Variants in ENTREP2 observed in about 807,000 individuals in gnomAD.
ENTREP2 encodes the protein protein ENTREP2.
At chr15:29,510,896 T>C in the ENTREP2 span, among the ~76,000 whole-genome samples, 9 of 151,728 alleles carry the variant, frequency 5.9e-5, no homozygotes, top group Admixed American at 4.6e-4. Flanking sequence ...TGCAGGGACA[T>C]GGATGAAGCT....
At chr15:29,554,701 G>A in the ENTREP2 span, among the ~76,000 whole-genome samples, 3 of 152,146 alleles carry the variant, frequency 2.0e-5, no homozygotes, top group African/African-American at 7.2e-5. Flanking sequence ...TGCTCAGAGA[G>A]GCCTCTTGGA....
At chr15:29,649,742 AAAAGAAAG>A in the ENTREP2 span, among the ~76,000 whole-genome samples, 2 of 150,898 alleles carry the variant, frequency 1.3e-5, no homozygotes, top group Non-Finnish European at 2.9e-5. Context: ...AAAAAAAAAA[AAAAGAAAG>A]AAAGAAAGAA....
At chr15:29,446,912 G>A in the ENTREP2 span, among the ~76,000 whole-genome samples, 2 of 152,026 alleles carry the variant, frequency 1.3e-5, no homozygotes, top group Non-Finnish European at 2.9e-5. Context: ...CTCCTCTTCT[G>A]CCTCCCTCTT....
At chr15:29,624,871 TTGTGTGTGTGTGTGTGTG>T in the ENTREP2 span, among the ~76,000 whole-genome samples, 1 of 143,624 alleles carries the variant, frequency 7.0e-6, no homozygotes, top group African/African-American at 2.6e-5. Flanking sequence ...CTGCATTAAT[TTGTGTGTGTGTGTGTGTG>T]TGTGTGTGTG....
the ENTREP2 span, among the ~76,000 whole-genome samples, chr15:29,354,693 A>G: frequency 3.9e-5 from 6 of 152,322 alleles, no homozygotes; most frequent in Non-Finnish European, 8.8e-5. Flanking sequence ...GAAAAGGAAG[A>G]GATGAGAATA....
At chr15:29,476,861 G>C in the ENTREP2 span, among the ~76,000 whole-genome samples, 27 of 152,310 alleles carry the variant, frequency 1.8e-4, 1 homozygote, top group South Asian at 2.5e-3. Context: ...CCGATTGCCA[G>C]CCACGACAAC....
chr15:29,417,259 T>C, the ENTREP2 span, among the ~76,000 whole-genome samples: 2 of 152,120 alleles, frequency 1.3e-5, 1 homozygote, highest in South Asian at 4.1e-4. Flanking sequence ...TATCCAACAA[T>C]GATAGACTGG....
the ENTREP2 span, among the ~76,000 whole-genome samples, chr15:29,644,436 C>T: frequency 2.0e-5 from 3 of 152,120 alleles, no homozygotes; most frequent in South Asian, 2.1e-4. Flanking sequence ...TCAATAAAGC[C>T]GGTTATCGAA....
chr15:29,338,750 T>C, the ENTREP2 span, among the ~76,000 whole-genome samples: 2 of 152,228 alleles, frequency 1.3e-5, no homozygotes, highest in Admixed American at 6.5e-5. Flanking sequence ...AAACTGGTTT[T>C]CTTTTAATAA....
chr15:29,572,464 T>TC, the ENTREP2 span, among the ~76,000 whole-genome samples: 1 of 151,824 alleles, frequency 6.6e-6, no homozygotes, highest in Non-Finnish European at 1.5e-5. Context: ...TTTGATCATC[T>TC]CCCCCATTCA....
the ENTREP2 span, among the ~76,000 whole-genome samples, chr15:29,397,763 T>C: frequency 5.3e-5 from 8 of 152,088 alleles, no homozygotes; most frequent in South Asian, 4.2e-4. Flanking sequence ...CTTCTACGTA[T>C]GAAGATTTCC....
At chr15:29,160,159 C>T in the ENTREP2 span, among the ~76,000 whole-genome samples, 1 of 152,346 alleles carries the variant, frequency 6.6e-6, no homozygotes, top group East Asian at 1.9e-4. Flanking sequence ...GCAGGGCCAG[C>T]TGGCCACTCC....
At chr15:29,367,949 A>AC in the ENTREP2 span, among the ~76,000 whole-genome samples, 2 of 107,786 alleles carry the variant, frequency 1.9e-5, no homozygotes, top group African/African-American at 7.4e-5. Context: ...GTTTTCAACA[A>AC]AAAAAAAAAA....
the ENTREP2 span, among the ~76,000 whole-genome samples, chr15:29,585,351 C>A: frequency 6.6e-6 from 1 of 152,018 alleles, no homozygotes; most frequent in Non-Finnish European, 1.5e-5. Flanking sequence ...TATTGAATTG[C>A]GTGAAACCCT....
At chr15:29,226,997 G>A in the ENTREP2 span, among the ~76,000 whole-genome samples, 3 of 152,350 alleles carry the variant, frequency 2.0e-5, no homozygotes, top group African/African-American at 7.2e-5. Flanking sequence ...CACAGAGAGA[G>A]CAGCGTCTGC....
chr15:29,271,173 G>A, the ENTREP2 span, among the ~76,000 whole-genome samples: 42,631 of 152,068 alleles, frequency 0.28, 11,264 homozygotes, highest in African/African-American at 0.7. Flanking sequence ...CACACAAGAT[G>A]CAACTATATC....
At chr15:29,159,925 C>T in the ENTREP2 span, among the ~76,000 whole-genome samples, 1 of 152,288 alleles carries the variant, frequency 6.6e-6, no homozygotes, top group African/African-American at 2.4e-5. Context: ...TGCGCCTGCA[C>T]TCCTCAGCCC....
the ENTREP2 span, among the ~76,000 whole-genome samples, chr15:29,662,569 A>G: frequency 6.6e-6 from 1 of 152,144 alleles, no homozygotes; most frequent in Admixed American, 6.6e-5. Flanking sequence ...GGCTCCAGAC[A>G]GAAGACTCCC....
At chr15:29,665,716 C>T in the ENTREP2 span, among the ~76,000 whole-genome samples, 17 of 152,036 alleles carry the variant, frequency 1.1e-4, no homozygotes, top group East Asian at 1.9e-4. Flanking sequence ...TGGACTCTAA[C>T]GTAATGATTT....
Sources: gnomAD v4.1 joint callset for allele counts (sites outside exome capture counted in the v4.1 genomes callset) on GRCh38, gnomAD v4.1.1 for gene constraint, MANE v1.5 for transcripts, NCBI Gene and HGNC (gene_info 2026-07-23, HGNC 2026-07-21) for gene names.